Variants in HMGCLL1 observed in about 807,000 individuals in gnomAD.
HMGCLL1 encodes 3-hydroxymethyl-3-methylglutaryl-CoA lyase, cytoplasmic.
Under a neutral mutation model 39.1 loss-of-function variants are expected in HMGCLL1, and 36 were observed. The ratio of observed to expected loss-of-function variants is 0.92; its 90% CI spans 0.71 to 1.22. The LOEUF (loss-of-function observed/expected upper bound fraction) is 1.22, where lower values mean the gene tolerates loss of function less well. Ranked by LOEUF, HMGCLL1 falls within the 50% of genes most tolerant of loss-of-function variation. The pLI is 0.00. For synonymous variants in HMGCLL1, 149 were observed against 144.0 expected (o/e 1.03, Z -0.25); for missense variants, 451 against 416.5 (o/e 1.08, Z -0.72).
At chr6:55,503,306 A>G (rs891523058) in intron 5 of HMGCLL1, among the ~76,000 whole-genome samples, 1 of 151,720 alleles carries the variant, frequency 6.6e-6, no homozygotes, top group Non-Finnish European at 1.5e-5. Context: ...GTGATGCCAG[A>G]CTCCAAGACA....
chr6:55,632,046 T>C, the HMGCLL1 span, among the ~76,000 whole-genome samples: 2 of 152,146 alleles, frequency 1.3e-5, no homozygotes, highest in East Asian at 1.9e-4. Flanking sequence ...TGTTTTGCTT[T>C]GTTTTTAAAA....
At chr6:55,449,871 G>A (rs182149935) in intron 7 of HMGCLL1, among the ~76,000 whole-genome samples, 5 of 152,120 alleles carry the variant, frequency 3.3e-5, no homozygotes, top group East Asian at 1.9e-4. Context: ...CTTTGTGCTC[G>A]TGTTTCCCTG....
rs945969444 is a variant in HMGCLL1 at position 55,440,084 on chromosome 6, C to T, written c.796-525G>A. Among the ~76,000 whole-genome samples, 8 of 152,076 alleles carry T rather than the reference C, an allele frequency of 5.3e-5. 1 individual carries two copies. Among genetic ancestry groups the T allele is most frequent in the African/African-American group, 1.9e-4 (8 of 41,424 alleles). On this transcript the variant is annotated intron_variant, in intron 7 of 8. Coordinates refer to ENST00000274901, the MANE Select transcript of HMGCLL1 (RefSeq NM_001042406.2). ...CTCACCAAATCTTTATTGAGACATT[C>T]ATTGTTTTGCACACAAAACTCCACT... is the stretch of plus-strand genomic sequence containing the variant.
chr6:55,486,522 A>C (rs890523647), intron 7 of HMGCLL1, among the ~76,000 whole-genome samples: 5 of 152,076 alleles, frequency 3.3e-5, no homozygotes, highest in African/African-American at 1.2e-4. Flanking sequence ...AGGTCTCTGC[A>C]TCTGTTCTCA....
At chr6:55,440,631 C>G (rs1387623298) in intron 7 of HMGCLL1, among the ~76,000 whole-genome samples, 1 of 152,016 alleles carries the variant, frequency 6.6e-6, no homozygotes, top group East Asian at 1.9e-4. Flanking sequence ...ATTCTTCACT[C>G]TTGGGCATTA....
At chr6:55,443,672 G>T (rs1354813681) in intron 7 of HMGCLL1, among the ~76,000 whole-genome samples, 1 of 117,646 alleles carries the variant, frequency 8.5e-6, no homozygotes, top group Non-Finnish European at 1.8e-5. Flanking sequence ...AATAACCAGT[G>T]AAGCCAAAAA....
At chr6:55,497,512 G>A (rs750525795) in intron 6 of HMGCLL1, among the ~76,000 whole-genome samples, 6 of 152,070 alleles carry the variant, frequency 3.9e-5, no homozygotes, top group Non-Finnish European at 7.4e-5. Flanking sequence ...ATGGGGAAAT[G>A]AATATTGACA....
chr6:55,516,416 G>A, intron 4 of HMGCLL1, 92 bp downstream of exon 4: 1 of 727,936 alleles, frequency 1.4e-6, no homozygotes, highest in Non-Finnish European at 2.4e-6. Context: ...TTGTATTACA[G>A]ATGAGTTACA....
rs1034972675 is a variant in HMGCLL1, at chr6:55,548,926, G to T, written c.109-6786C>A. Among the ~76,000 whole-genome samples the T allele has an allele frequency of 3.3e-5, 5 of 151,514 alleles. No homozygotes were observed. In the South Asian group the frequency reaches 1.0e-3, roughly 31 times the overall value. The stretch of plus-strand genomic sequence containing the variant: ...TCAAGAATAGGAATTTTTAATGCAA[G>T]AATTTAATAAAGCATTAAAATAATT... On this transcript the variant is annotated intron_variant, in intron 1 of 8. Coordinates refer to ENST00000274901, the MANE Select transcript of HMGCLL1 (RefSeq NM_001042406.2).
the HMGCLL1 span, among the ~76,000 whole-genome samples, chr6:55,676,713 A>G: frequency 3.4e-4 from 52 of 152,370 alleles, no homozygotes; most frequent in South Asian, 0.01. Context: ...AAACACTGCA[A>G]TAAAACTCTT....
rs199901825 is a variant in HMGCLL1 at position 55,542,179 on chromosome 6, T to C, written c.109-39A>G. On this transcript the variant is annotated intron_variant, in intron 1 of 8. Transcript: ENST00000274901. The stretch of plus-strand genomic sequence containing the variant: ...TGTAAGAACAAGATAACGTAACTTT[T>C]AGATTGTTACATTTGCTTATTTGAA... The C allele has an allele frequency of 2.4e-5, 33 of 1,359,116 alleles. No homozygotes were observed. In the East Asian group the frequency reaches 7.7e-4, roughly 32 times the overall value. 84.2% of individuals were successfully genotyped at this position (1,359,116 alleles called of 1,614,324 possible).
At chr6:55,670,484 C>T in the HMGCLL1 span, among the ~76,000 whole-genome samples, 14 of 151,590 alleles carry the variant, frequency 9.2e-5, no homozygotes, top group Middle Eastern at 3.5e-3. Context: ...TAAATATATT[C>T]GATGCTTGAA....
chr6:55,609,552 G>T, the HMGCLL1 span, among the ~76,000 whole-genome samples: 1 of 152,096 alleles, frequency 6.6e-6, no homozygotes, highest in Admixed American at 6.5e-5. Flanking sequence ...CTAGGAGAAG[G>T]GGTAACCATA....
At chr6:55,460,773 CTGT>C (rs1764525927) in intron 7 of HMGCLL1, among the ~76,000 whole-genome samples, 1 of 151,910 alleles carries the variant, frequency 6.6e-6, no homozygotes, top group Non-Finnish European at 1.5e-5. Flanking sequence ...CAGTATTATT[CTGT>C]TGTTATTTGA....
chr6:55,639,344 G>C, the HMGCLL1 span, among the ~76,000 whole-genome samples: 1 of 150,928 alleles, frequency 6.6e-6, no homozygotes, highest in Non-Finnish European at 1.5e-5. Flanking sequence ...TGCTAAAATA[G>C]TTATTTCATA....
At chr6:55,543,126 CAT>C (rs1769587908) in intron 1 of HMGCLL1, among the ~76,000 whole-genome samples, 1 of 8,794 alleles carries the variant, frequency 1.1e-4, no homozygotes, top group African/African-American at 3.1e-4. Context: ...TAATATATAT[CAT>C]ATATATGATA....
At chr6:55,610,010 C>T in the HMGCLL1 span, among the ~76,000 whole-genome samples, 4 of 152,130 alleles carry the variant, frequency 2.6e-5, no homozygotes, top group East Asian at 1.9e-4. Context: ...AAAGTCTTCA[C>T]AAAAGGCTCA....
chr6:55,677,850 A>C, the HMGCLL1 span, among the ~76,000 whole-genome samples: 1 of 152,210 alleles, frequency 6.6e-6, no homozygotes, highest in Non-Finnish European at 1.5e-5. Context: ...CATTTATCCA[A>C]TAAAGTAACT....
At chr6:55,592,270 C>A in the HMGCLL1 span, among the ~76,000 whole-genome samples, 2 of 151,686 alleles carry the variant, frequency 1.3e-5, no homozygotes, top group Non-Finnish European at 2.9e-5. Context: ...CATTTATTAC[C>A]CTAATTTTTA....
Sources: allele counts gnomAD v4.1 joint callset (sites outside exome capture counted in the v4.1 genomes callset), GRCh38; gene constraint gnomAD v4.1.1; transcripts MANE v1.5; gene names NCBI Gene and HGNC (gene_info 2026-07-23, HGNC 2026-07-21).